The following LPP variants were observed in gnomAD, a reference collection of about 807,000 sequenced individuals.
The protein encoded by LPP is lipoma-preferred partner.
In LPP, 38 loss-of-function variants were observed where a neutral mutation model predicts 60.4. The ratio of observed to expected loss-of-function variants is 0.63; its 90% confidence interval spans 0.49 to 0.83. The LOEUF (loss-of-function observed/expected upper bound fraction) is 0.83. Ranked by LOEUF, LPP falls within the 40% of genes least tolerant of loss-of-function variation. The pLI is 0.00. For synonymous variants in LPP, 328 were observed against 290.8 expected, an observed-to-expected ratio of 1.13 and a Z score of -1.30; for missense variants, 902 against 783.6, an observed-to-expected ratio of 1.15 and a Z score of -1.80.
chr3:188,543,214 G>A (rs1406342875), intron 6 of LPP, among the ~76,000 whole-genome samples: 1 of 152,144 alleles, frequency 6.6e-6, no homozygotes, highest in Non-Finnish European at 1.5e-5. Context: ...TGGATTGGGG[G>A]ATTGAGGGGT....
chr3:188,276,669 GTCTC>G (rs750060555), intron 2 of LPP, among the ~76,000 whole-genome samples: 123 of 100,168 alleles, frequency 1.2e-3, no homozygotes, highest in East Asian at 0.01. Context: ...CTCCAACTCT[GTCTC>G]TCTCTCTCTC....
chr3:188,761,783 C>G (rs1270075021), intron 9 of LPP, among the ~76,000 whole-genome samples: 1 of 152,148 alleles, frequency 6.6e-6, no homozygotes, highest in Admixed American at 6.5e-5. Context: ...AAGCTTACCT[C>G]TTTAGAATAT....
At position 188,741,321 on chromosome 3, in the gene LPP, T is replaced by G. The variant is rs1724347016; in HGVS notation, c.1241-18792T>G. On this transcript the variant is annotated intron_variant, in intron 8 of 11. Transcript: ENST00000617246. ...CTATCCTTGTGCTGGTACTCCGCTATCTTGGTTGCTATGGTTTTAGAGCAA... is the reference window on the plus strand; with the variant it reads ...CTATCCTTGTGCTGGTACTCCGCTAGCTTGGTTGCTATGGTTTTAGAGCAA... Among the ~76,000 whole-genome samples, 3 of 152,074 alleles carry G rather than the reference T, an allele frequency of 2.0e-5. No individual in the cohort carries two copies. In the South Asian group the frequency reaches 6.2e-4, roughly 31 times the overall value.
chr3:188,466,524 C>G (rs1022715093), intron 4 of LPP, among the ~76,000 whole-genome samples: 3 of 152,010 alleles, frequency 2.0e-5, no homozygotes, highest in Admixed American at 6.6e-5. Flanking sequence ...CTTCCTGCCT[C>G]TACTTGAATA....
At chr3:188,178,106 C>T (rs1310660685) in intron 1 of LPP, among the ~76,000 whole-genome samples, 1 of 152,188 alleles carries the variant, frequency 6.6e-6, no homozygotes, top group African/African-American at 2.4e-5. Context: ...GACAGGTAGT[C>T]AGGGCTCTGA....
At chr3:188,751,734 G>C (rs1728140537) in intron 8 of LPP, among the ~76,000 whole-genome samples, 1 of 152,204 alleles carries the variant, frequency 6.6e-6, no homozygotes, top group South Asian at 2.1e-4. Flanking sequence ...TTCATCAACT[G>C]TTATGGAGAT....
rs772180006 is a variant in LPP at position 188,609,868 on chromosome 3, A to G, written c.1113+24A>G. On this transcript the variant is annotated intron_variant, in intron 7 of 11. Transcript: ENST00000617246. The surrounding 1 kb of genome is among the most constrained non-coding windows in gnomAD (Gnocchi z 6.9). The stretch of plus-strand genomic sequence containing the variant: ...AGGTAAGAAACTCAGTAACATAAGG[A>G]GGAGAATACAGGGGTGCCTATCTTA... 2.5e-6 allele frequency: 4 copies of G among 1,583,176 alleles called. No homozygotes were observed. The highest frequency in any genetic ancestry group is 3.4e-6 in the Non-Finnish European group (4 of 1,165,994).
At chr3:188,207,740 C>T (rs1423965684) in intron 1 of LPP, among the ~76,000 whole-genome samples, 1 of 151,506 alleles carries the variant, frequency 6.6e-6, no homozygotes, top group Non-Finnish European at 1.5e-5. Flanking sequence ...TAGACATATG[C>T]CACTGTGTCT....
At chr3:188,459,300 A>T (rs144093592) in intron 4 of LPP, among the ~76,000 whole-genome samples, 4 of 152,262 alleles carry the variant, frequency 2.6e-5, no homozygotes, top group African/African-American at 7.2e-5. Context: ...GTAACAACTT[A>T]TGTGCTTAAT....
chr3:188,504,020 T>C (rs984469222), intron 5 of LPP, among the ~76,000 whole-genome samples: 1 of 152,216 alleles, frequency 6.6e-6, no homozygotes, highest in Admixed American at 6.5e-5. Flanking sequence ...TTTCTTCAAG[T>C]ATTGTCCCTG....
intron 4 of LPP, among the ~76,000 whole-genome samples, chr3:188,462,023 T>C (rs1440235015): frequency 6.6e-6 from 1 of 152,164 alleles, no homozygotes; most frequent in Non-Finnish European, 1.5e-5. Context: ...AAATTATACT[T>C]GCATTAGTAA....
In LPP at chr3:188,889,261, T is replaced by C. The variant is rs973876954; in HGVS notation, c.*14782T>C. 8.7e-6 allele frequency: 2 copies of C among 230,740 alleles called. No homozygotes were observed. Among genetic ancestry groups the C allele is most frequent in the Non-Finnish European group, 1.7e-5 (2 of 116,520 alleles). 14.3% of individuals were successfully genotyped at this position (230,740 alleles called of 1,614,324 possible). On this transcript the variant is annotated 3_prime_UTR_variant, in exon 12 of 12. Transcript: ENST00000617246. ...ATCACTGACAAAACTGTCAATACTG[T>C]TGATGGAGCAGCAGCATAGCCTAGA...
intron 2 of LPP, among the ~76,000 whole-genome samples, chr3:188,278,314 C>T (rs1043682977): frequency 1.3e-5 from 2 of 152,270 alleles, no homozygotes; most frequent in East Asian, 3.9e-4. Flanking sequence ...CCCTACTCAC[C>T]CCTGATATTC....
At chr3:188,636,664 C>A (rs1848858711) in intron 7 of LPP, among the ~76,000 whole-genome samples, 1 of 152,106 alleles carries the variant, frequency 6.6e-6, no homozygotes, top group Admixed American at 6.5e-5. Flanking sequence ...CCCTGTCTGA[C>A]AGCTTTGAAG....
chr3:188,422,311 A>C lies in LPP; in HGVS notation c.193+15998A>C, dbSNP rs908199258. ...ACGGTTTTCAAAAACAACCTCAAAT[A>C]CTATAAATAGTCTGTTTTCTAGTGT... On this transcript the variant is annotated intron_variant, in intron 4 of 11. Coordinates refer to ENST00000617246, the MANE Select transcript of LPP (RefSeq NM_001375462.1). Among the ~76,000 whole-genome samples the C allele has an allele frequency of 4.6e-5, 7 of 152,262 alleles. 1 individual carries two copies. The highest frequency in any genetic ancestry group is 6.5e-5 in the Admixed American group (1 of 15,272).
At chr3:188,571,361 T>C (rs1240394572) in intron 6 of LPP, among the ~76,000 whole-genome samples, 1 of 152,078 alleles carries the variant, frequency 6.6e-6, no homozygotes, top group African/African-American at 2.4e-5. Context: ...TTCACTGCAC[T>C]TACATCCCAA....
intron 5 of LPP, among the ~76,000 whole-genome samples, chr3:188,502,745 A>T (rs1812272839): frequency 1.3e-5 from 2 of 152,174 alleles, no homozygotes; most frequent in African/African-American, 4.8e-5. Flanking sequence ...AACATACCAA[A>T]CATCATGGTT....
intron 2 of LPP, among the ~76,000 whole-genome samples, chr3:188,339,305 G>A (rs1454189785): frequency 1.3e-5 from 2 of 152,194 alleles, no homozygotes; most frequent in Admixed American, 6.5e-5. Context: ...GAGCTACTCA[G>A]GACACATGCC....
At chr3:188,498,258 C>T (rs1490886368) in intron 5 of LPP, among the ~76,000 whole-genome samples, 2 of 152,014 alleles carry the variant, frequency 1.3e-5, no homozygotes, top group Non-Finnish European at 2.9e-5. Flanking sequence ...TGATGAAGTA[C>T]ATTCATATTG....
Sources: allele counts gnomAD v4.1 joint callset (sites outside exome capture counted in the v4.1 genomes callset), GRCh38; gene constraint gnomAD v4.1.1; non-coding constraint Gnocchi (gnomAD v3.1); transcripts MANE v1.5; gene names NCBI Gene and HGNC (gene_info 2026-07-23, HGNC 2026-07-21).